The following NCAPH2 variants were observed in gnomAD, a reference collection of about 807,000 sequenced individuals.
NCAPH2 encodes non-SMC condensin II complex subunit H2, also known as condensin-2 complex subunit H2.
NCAPH2 carries 56 observed loss-of-function variants against 88.6 expected under a neutral mutation model. The ratio of observed to expected loss-of-function variants is 0.63; its 90% CI spans 0.51 to 0.79. The LOEUF (loss-of-function observed/expected upper bound fraction) is 0.79, where lower values mean the gene tolerates loss of function less well. Ranked by LOEUF, NCAPH2 falls within the 30% of genes least tolerant of loss-of-function variation. The pLI is 0.00. For missense variants in NCAPH2, 794 were observed against 792.0 expected (o/e 1.00, Z -0.03); for synonymous variants, 378 against 313.6 (o/e 1.21, Z -2.17).
chr22:50,524,207 C>G lies in NCAPH2; in HGVS notation c.*832C>G. Reference sequence around the variant, plus strand: ...GCCAGCCAGGCCCCACCGAGTCCAGCCCCGAACAGGCCTGTGATCAGCAGC... The same window carrying G: ...GCCAGCCAGGCCCCACCGAGTCCAGGCCCGAACAGGCCTGTGATCAGCAGC... On this transcript the variant is annotated 3_prime_UTR_variant, in exon 20 of 20. Coordinates refer to ENST00000420993, the MANE Select transcript of NCAPH2 (RefSeq NM_152299.4). 2 of 1,608,434 alleles carry G rather than the reference C, an allele frequency of 1.2e-6. No homozygotes were observed. The highest frequency in any genetic ancestry group is 4.5e-5 in the East Asian group (2 of 44,876).
intron 1 of NCAPH2, among the ~76,000 whole-genome samples, chr22:50,515,355 G>A (rs562633927): frequency 1.3e-5 from 2 of 151,718 alleles, no homozygotes; most frequent in Non-Finnish European, 2.9e-5. Flanking sequence ...GAGGCCAGGA[G>A]TTTGAGACCA....
At chr22:50,509,451 G>C (rs957317203) in intron 1 of NCAPH2, among the ~76,000 whole-genome samples, 1 of 152,126 alleles carries the variant, frequency 6.6e-6, no homozygotes, top group Non-Finnish European at 1.5e-5. Flanking sequence ...AAAAGCAAAA[G>C]CTAAATGTGG....
At chr22:50,515,954 C>T (rs1051574197) in intron 1 of NCAPH2, among the ~76,000 whole-genome samples, 4 of 151,852 alleles carry the variant, frequency 2.6e-5, no homozygotes, top group Non-Finnish European at 4.4e-5. Flanking sequence ...GAGCGCCTGG[C>T]GCACTGACGT....
rs1273056955 is a variant in NCAPH2 at position 50,511,563 on chromosome 22, T to C, written c.108+3118T>C. On this transcript the variant is annotated intron_variant, in intron 1 of 19. Transcript: ENST00000420993. ...GCCTCGGCCTCCCAAAGTGCTGGGA[T>C]TACAGGCCTGAGCCACCGCGTCCGA... Among the ~76,000 whole-genome samples the C allele has an allele frequency of 2.1e-5, 3 of 142,612 alleles. 1 individual carries two copies. The highest frequency in any genetic ancestry group is 9.0e-5 in the African/African-American group (3 of 33,248). The allele number at this position is 142,612 out of a possible 152,430, so 93.6% of individuals were successfully genotyped here.
chr22:50,511,970 T>C (rs2068796526), intron 1 of NCAPH2, among the ~76,000 whole-genome samples: 1 of 152,112 alleles, frequency 6.6e-6, no homozygotes. Flanking sequence ...GTATTTTTAG[T>C]AGAGATGGGG....
At chr22:50,510,395 C>T (rs1441962637) in intron 1 of NCAPH2, among the ~76,000 whole-genome samples, 2 of 152,136 alleles carry the variant, frequency 1.3e-5, no homozygotes, top group African/African-American at 4.8e-5. Flanking sequence ...ACCACCACAC[C>T]TGGCTGGGAA....
rs747030822 is a variant in NCAPH2 at position 50,522,713 on chromosome 22, G to C, written c.1418G>C (p.Arg473Thr). ...CTGAGCTACGAGGAGCTGGTTCGAAGGAATGTGGTAGGCCTGGGTTAGAGG... is the reference window on the plus strand; with the variant it reads ...CTGAGCTACGAGGAGCTGGTTCGAACGAATGTGGTAGGCCTGGGTTAGAGG... ...MSLSYEELVR[R>T]NVELFIATSQ... Residue 473 changes from arginine (R) to threonine (T), a missense_variant, in exon 17 of 20, where the codon AGG becomes ACG. Coordinates refer to ENST00000420993, the MANE Select transcript of NCAPH2 (RefSeq NM_152299.4). 1 of 1,613,680 alleles carries C rather than the reference G, an allele frequency of 6.2e-7. No homozygotes were observed. The highest frequency in any genetic ancestry group is 1.7e-5 in the Admixed American group (1 of 60,012).
At chr22:50,517,224 G>A (rs2068949757) in intron 2 of NCAPH2, among the ~76,000 whole-genome samples, 3 of 152,220 alleles carry the variant, frequency 2.0e-5, no homozygotes, top group Admixed American at 2.0e-4. Flanking sequence ...GGAGAGATGT[G>A]GGTGGCCTCA....
In NCAPH2 at chr22:50,518,751, G is replaced by T. The variant is rs184980625; in HGVS notation, c.730+19G>T. 10 of 1,590,278 alleles carry T rather than the reference G, an allele frequency of 6.3e-6. No individual in the cohort carries two copies. The highest frequency in any genetic ancestry group is 2.3e-5 in the East Asian group (1 of 44,236). ...GAGCCAGGTGAGAAGAGAGCTCCCC[G>T]GTGGGACTGGCAGGGCAGCCAAAGA... On this transcript the variant is annotated intron_variant, in intron 8 of 19. Transcript: ENST00000420993.
chr22:50,522,460 C>T (rs1460660731), intron 15 of NCAPH2, 41 bp from the exon 16 acceptor site: 4 of 1,613,214 alleles, frequency 2.5e-6, no homozygotes, highest in Non-Finnish European at 3.4e-6. Context: ...CACCTGCCGA[C>T]TAGCTGCCTG....
chr22:50,523,146 A>T lies in NCAPH2; in HGVS notation c.1657A>T (p.Met553Leu). Residue 553 changes from methionine to leucine, a missense_variant, in exon 19 of 20, where the codon ATG becomes TTG. Coordinates refer to ENST00000420993, the MANE Select transcript of NCAPH2 (RefSeq NM_152299.4). ...GCCGGCCTTCGAGGTGTGTCGTTCCATGCTGGCCTCCCTGCAGCTGGTGAG... is the reference window on the plus strand; with the variant it reads ...GCCGGCCTTCGAGGTGTGTCGTTCCTTGCTGGCCTCCCTGCAGCTGGTGAG... The part of the protein sequence containing the change: ...GQPAFEVCRS[M>L]LASLQLANDY... 6.2e-7 allele frequency: 1 copy of T among 1,613,770 alleles called. No individual in the cohort carries two copies. The highest frequency in any genetic ancestry group is 2.2e-5 in the East Asian group (1 of 44,874).
chr22:50,521,348 C>T (rs1321230906), intron 10 of NCAPH2, among the ~76,000 whole-genome samples, 195 bp from the exon 11 acceptor site: 1 of 142,844 alleles, frequency 7.0e-6, no homozygotes, highest in East Asian at 1.9e-4. Context: ...CCCCCTACTC[C>T]TTTGGGAGGG....
At chr22:50,516,422 CCT>C (rs747839705) in intron 1 of NCAPH2, 23 bp from the exon 2 acceptor site, 84 of 1,611,446 alleles carry the variant, frequency 5.2e-5, no homozygotes, top group South Asian at 4.8e-4. Context: ...TTGGATTCCC[CCT>C]GTCTTTGTGT....
intron 1 of NCAPH2, among the ~76,000 whole-genome samples, chr22:50,512,627 T>C (rs1309518768): frequency 6.6e-6 from 1 of 150,502 alleles, no homozygotes; most frequent in Non-Finnish European, 1.5e-5. Context: ...CATGGCTCAC[T>C]GCAGCCTCGA....
Position 50,519,289 on chromosome 22 carries a change from T to C in NCAPH2, c.830T>C (p.Leu277Pro). The C allele has an allele frequency of 1.2e-6, 2 of 1,607,460 alleles. No individual in the cohort carries two copies. Among genetic ancestry groups the C allele is most frequent in the East Asian group, 4.5e-5 (2 of 44,706 alleles). Residue 277 changes from leucine to proline, a missense_variant, in exon 9 of 20, where the codon CTG becomes CCG. Leu to Pro is a moderately conservative substitution (Grantham distance 98). This residue lies in a region of NCAPH2 where 735 missense variants were observed against 696.3 expected (regional missense o/e 1.06). Coordinates refer to ENST00000420993, the MANE Select transcript of NCAPH2 (RefSeq NM_152299.4). ...GAGGCCTCGGCCCCCAAGGCCGCTC[T>C]GGAGCCCAAGGAGTCCAGGAGCCCG... Reference protein sequence around the residue: ...LPEASAPKAALEPKESRSPQQ... With the variant: ...LPEASAPKAAPEPKESRSPQQ...
chr22:50,521,523 T>G lies in NCAPH2; in HGVS notation c.934-20T>G, dbSNP rs753373154. 6.8e-6 allele frequency: 11 copies of G among 1,613,188 alleles called. No individual in the cohort carries two copies. The East Asian group carries it at 1.3e-4, about 20-fold the overall frequency. On this transcript the variant is annotated intron_variant, in intron 10 of 19. Transcript: ENST00000420993. ...GTGCACCCCCTACTTCTCCAGCGCC[T>G]TCTTGTGCTCTGTGCCCAGGAGACT... is the stretch of plus-strand genomic sequence containing the variant.
rs2069104826 is a variant in NCAPH2, at chr22:50,521,725, C to T, written c.1001-16C>T. The T allele has an allele frequency of 6.2e-7, 1 of 1,613,598 alleles. No individual in the cohort carries two copies. The highest frequency in any genetic ancestry group is 8.5e-7 in the Non-Finnish European group (1 of 1,179,788). ...GATCCCCCAGCGGCTCTAAGACAGT[C>T]CCTGTTTGCCCCCAGGTAGGCCTTA... On this transcript the variant is annotated splice_polypyrimidine_tract_variant and intron_variant, in intron 11 of 19. Coordinates refer to ENST00000420993, the MANE Select transcript of NCAPH2 (RefSeq NM_152299.4).
In NCAPH2 at chr22:50,524,099, G is replaced by A; in HGVS notation, c.*724G>A. The A allele has an allele frequency of 6.2e-7, 1 of 1,613,032 alleles. No homozygotes were observed. Among genetic ancestry groups the A allele is most frequent in the Non-Finnish European group, 8.5e-7 (1 of 1,180,022 alleles). On this transcript the variant is annotated 3_prime_UTR_variant, in exon 20 of 20. Coordinates refer to ENST00000420993, the MANE Select transcript of NCAPH2 (RefSeq NM_152299.4). Reference sequence around the variant, plus strand: ...GCCCGGCCTCTGTGATCCAGCAGGTGGAAGTCGCCCTGGCCCACAGCTGCC... The same window carrying A: ...GCCCGGCCTCTGTGATCCAGCAGGTAGAAGTCGCCCTGGCCCACAGCTGCC...
At position 50,522,540 on chromosome 22, in the gene NCAPH2, G is replaced by A. The variant is rs771643893; in HGVS notation, c.1346G>A (p.Gly449Glu). The change falls in exon 16 of 20, where the codon GGA (glycine) becomes GAA (glutamate). Residue 449 changes from glycine to glutamate, a missense_variant. Coordinates refer to ENST00000420993, the MANE Select transcript of NCAPH2 (RefSeq NM_152299.4). ...CCTGAGGAGTACATGGAGCCCGAGG[G>A]AGCAGACCCCAGGGAAGCCGCTGAC... ...LEPEEYMEPE[G>E]ADPREAADLD... 8 of 1,613,636 alleles carry A rather than the reference G, an allele frequency of 5.0e-6. No homozygotes were observed. Among genetic ancestry groups the A allele is most frequent in the Non-Finnish European group, 6.8e-6 (8 of 1,179,986 alleles).
Sources: allele counts gnomAD v4.1 joint callset (sites outside exome capture counted in the v4.1 genomes callset), GRCh38; gene constraint gnomAD v4.1.1; regional missense constraint gnomAD v4.1.1; transcripts MANE v1.5; gene names NCBI Gene and HGNC (gene_info 2026-07-23, HGNC 2026-07-21).